The following NBPF12 variants were observed in gnomAD, a reference collection of about 807,000 sequenced individuals.
NBPF12 encodes the protein NBPF family member NBPF12.
NBPF12 carries 115 observed loss-of-function variants against 146.4 expected under a neutral mutation model. The ratio of observed to expected loss-of-function variants is 0.79; its 90% CI spans 0.68 to 0.92. NBPF12 has a LOEUF of 0.92. Among genes scored for constraint, NBPF12 ranks in the 40% least tolerant of loss-of-function variants. The pLI is 0.00. For synonymous variants in NBPF12, 385 were observed against 508.9 expected (o/e 0.76, Z 3.28); for missense variants, 1,205 against 1,326.8 (o/e 0.91, Z 1.43).
upstream of NBPF12, among the ~76,000 whole-genome samples, chr1:146,945,863 C>T (rs1570812542): frequency 6.6e-6 from 1 of 151,984 alleles, no homozygotes; most frequent in Non-Finnish European, 1.5e-5. Context: ...TGGGTTTTGG[C>T]AATTACGTAA....
intron 4 of NBPF12, among the ~76,000 whole-genome samples, chr1:146,961,758 C>T (rs1248025618): frequency 2.0e-5 from 3 of 151,888 alleles, no homozygotes; most frequent in African/African-American, 4.8e-5. Flanking sequence ...GGGAAACCAT[C>T]AGTCCCATAG....
intron 25 of NBPF12, among the ~76,000 whole-genome samples, chr1:146,987,733 TTGTGTGTGTGTGTG>T (rs782154969): frequency 6.8e-6 from 1 of 146,132 alleles, no homozygotes; most frequent in Non-Finnish European, 1.5e-5. Context: ...GTGTGTGTGT[TTGTGTGTGTGTGTG>T]TGTGTGTGTG....
At chr1:146,945,155 G>T (rs1381840495), upstream of NBPF12, among the ~76,000 whole-genome samples, 1 of 141,160 alleles carries the variant, frequency 7.1e-6, no homozygotes, top group Non-Finnish European at 1.5e-5. Context: ...TCTCTCTCAT[G>T]CTCTCTCTTT....
chr1:146,978,612 C>T (rs1307074421), intron 18 of NBPF12, among the ~76,000 whole-genome samples: 1 of 151,820 alleles, frequency 6.6e-6, no homozygotes, highest in Non-Finnish European at 1.5e-5. Flanking sequence ...CATTTTATGT[C>T]CACGTTACCT....
chr1:146,938,363 G>GCAGTCCTAAGCTT (rs1553882325), upstream of NBPF12, among the ~76,000 whole-genome samples: 1 of 152,122 alleles, frequency 6.6e-6, no homozygotes, highest in Non-Finnish European at 1.5e-5. Context: ...CGCGAAGCCT[G>GCAGTCCTAAGCTT]CAGTCCTAAA....
At position 146,964,571 on chromosome 1, in the gene NBPF12, C is replaced by G. The variant is rs1481141101; in HGVS notation, c.566+142C>G. On this transcript the variant is annotated intron_variant, in intron 7 of 33. Coordinates refer to ENST00000617844, the Ensembl canonical transcript of NBPF12. Reference sequence around the variant, plus strand: ...TGTGAAATTCAACCCAGCTTAGACACAGGGTGCGACAGCTGTCATGTTTCT... The same window carrying G: ...TGTGAAATTCAACCCAGCTTAGACAGAGGGTGCGACAGCTGTCATGTTTCT... The G allele has an allele frequency of 4.5e-6, 6 of 1,339,566 alleles. No individual in the cohort carries two copies. In the East Asian group the frequency reaches 1.1e-4, roughly 26 times the overall value. The allele number at this position is 1,339,566 out of a possible 1,614,324, so 83.0% of individuals were successfully genotyped here. A position where few individuals can be genotyped will look rare whatever the true frequency, so the allele number is the denominator to read the frequency against.
rs1570866072 is a variant in NBPF12 at position 146,972,650 on chromosome 1, A to G, written c.1592-101A>G. 18 of 1,034,246 alleles carry G rather than the reference A, an allele frequency of 1.7e-5. 1 individual carries two copies. In the South Asian group the frequency reaches 2.1e-4, roughly 12 times the overall value. The allele number at this position is 1,034,246 out of a possible 1,614,324, so 64.1% of individuals were successfully genotyped here. A position where few individuals can be genotyped will look rare whatever the true frequency, so the allele number is the denominator to read the frequency against. ...GAAACCAGGGAAACAACATCTTCAAATAAGTAGACAAGGCTACCAGTGACA... is the reference window on the plus strand; with the variant it reads ...GAAACCAGGGAAACAACATCTTCAAGTAAGTAGACAAGGCTACCAGTGACA... On this transcript the variant is annotated intron_variant, in intron 13 of 33. Coordinates refer to ENST00000617844, the Ensembl canonical transcript of NBPF12.
chr1:146,963,301 T>A, exon 6 of NBPF12: 1 of 1,611,708 alleles, frequency 6.2e-7, no homozygotes, highest in Non-Finnish European at 8.5e-7. Flanking sequence ...GTCCAAAAGC[T>A]CAGCCCAGGT....
intron 4 of NBPF12, among the ~76,000 whole-genome samples, chr1:146,960,974 C>T (rs1247083795): frequency 3.9e-5 from 6 of 152,036 alleles, no homozygotes; most frequent in African/African-American, 9.7e-5. Context: ...GGAGAAACCC[C>T]ATCTCCACTA....
At chr1:146,978,888 T>A (rs1338653742) in intron 18 of NBPF12, 71 bp from the exon 22 acceptor site, 1 of 517,546 alleles carries the variant, frequency 1.9e-6, no homozygotes, top group Non-Finnish European at 3.4e-6. Context: ...GTGCTATGAC[T>A]GGACAGTGAT....
chr1:146,994,903 A>G (rs1658449830), exon 34 of NBPF12: 22 of 423,822 alleles, frequency 5.2e-5, no homozygotes, highest in South Asian at 5.0e-4. Context: ...GAGCTTCTAT[A>G]CCTACTCAAG....
intron 5 of NBPF12, 59 bp downstream of exon 8, chr1:146,962,322 C>T: frequency 7.2e-7 from 1 of 1,386,506 alleles, no homozygotes; most frequent in Non-Finnish European, 1.0e-6. Flanking sequence ...TGAAGTACAG[C>T]AGCTCGGCGG....
chr1:146,973,296 C>T (rs1406417567), intron 14 of NBPF12, among the ~76,000 whole-genome samples: 1 of 151,646 alleles, frequency 6.6e-6, no homozygotes, highest in Non-Finnish European at 1.5e-5. Context: ...AGACAAATAA[C>T]ATCTAGTCTG....
rs1272081546 is a variant in NBPF12, at chr1:146,966,412, C to T, written c.779-52C>T. 28 of 1,335,562 alleles carry T rather than the reference C, an allele frequency of 2.1e-5. 1 individual carries two copies. Among genetic ancestry groups the T allele is most frequent in the African/African-American group, 5.8e-5 (4 of 68,666 alleles). 82.7% of individuals were successfully genotyped at this position (1,335,562 alleles called of 1,614,324 possible). On this transcript the variant is annotated intron_variant, in intron 8 of 33. Coordinates refer to ENST00000617844, the Ensembl canonical transcript of NBPF12. Reference sequence around the variant, plus strand: ...CATCCCTCAGTCCTGATTAAGCCTACTTGATTTCACCAGTTTTTAACCCAT... The same window carrying T: ...CATCCCTCAGTCCTGATTAAGCCTATTTGATTTCACCAGTTTTTAACCCAT...
chr1:146,961,839 C>G (rs1381241039), intron 4 of NBPF12, among the ~76,000 whole-genome samples: 2 of 152,032 alleles, frequency 1.3e-5, no homozygotes, highest in African/African-American at 4.8e-5. Flanking sequence ...AGAGGAGAGG[C>G]TGCAAGGCTT....
intron 21 of NBPF12, 126 bp from the exon 25 acceptor site, chr1:146,984,687 T>A (rs1657633298): frequency 6.8e-6 from 5 of 733,062 alleles, no homozygotes; most frequent in East Asian, 2.6e-5. Context: ...AATAATTTGT[T>A]ACCTCATTAA....
chr1:146,939,357 TCG>T (rs1331485255), intron 1 of NBPF12, among the ~76,000 whole-genome samples: 1 of 152,050 alleles, frequency 6.6e-6, no homozygotes, highest in Non-Finnish European at 1.5e-5. Context: ...GCAAGAGCGC[TCG>T]CGCCCCTGAC....
intron 1 of NBPF12, 91 bp from the exon 5 acceptor site, chr1:146,951,257 T>C: frequency 1.4e-6 from 1 of 695,894 alleles, no homozygotes; most frequent in Non-Finnish European, 2.6e-6. Flanking sequence ...GAACAGGGCA[T>C]GGGGGCCCTG....
At chr1:146,962,114 G>A (rs1655888604) in intron 4 of NBPF12, 47 bp from the exon 8 acceptor site, 2 of 1,591,416 alleles carry the variant, frequency 1.3e-6, no homozygotes, top group Admixed American at 1.7e-5. Flanking sequence ...GACCACAGCA[G>A]CATGTCCAGC....
Sources: allele counts gnomAD v4.1 joint callset (sites outside exome capture counted in the v4.1 genomes callset), GRCh38; gene constraint gnomAD v4.1.1; transcripts MANE v1.5; gene names NCBI Gene and HGNC (gene_info 2026-07-23, HGNC 2026-07-21).